Variants in UGT1A6 observed in about 807,000 individuals in gnomAD.
The protein encoded by UGT1A6 is UDP-glucuronosyltransferase 1A6.
UGT1A6 carries 32 observed loss-of-function variants against 44.4 expected under a neutral mutation model. That is an observed-to-expected ratio of 0.72 (90% CI 0.54 to 0.97). The LOEUF (loss-of-function observed/expected upper bound fraction) is 0.97. Among genes scored for constraint, UGT1A6 ranks in the 50% least tolerant of loss-of-function variants. The pLI, the probability that UGT1A6 is intolerant of heterozygous loss-of-function variation, is 0.00. For synonymous variants in UGT1A6, 238 were observed against 248.5 expected, an observed-to-expected ratio of 0.96 and a Z score of 0.40; for missense variants, 685 against 661.9, an observed-to-expected ratio of 1.03 and a Z score of -0.38.
intron 1 of UGT1A6, among the ~76,000 whole-genome samples, chr2:233,746,471 A>G (rs538596800): frequency 6.6e-6 from 1 of 151,696 alleles, no homozygotes; most frequent in Non-Finnish European, 1.5e-5. Context: ...GGGTTCCAGA[A>G]ACACTTTCCA....
At chr2:233,722,497 G>A (rs147743220) in intron 1 of UGT1A6, among the ~76,000 whole-genome samples, 12 of 152,166 alleles carry the variant, frequency 7.9e-5, no homozygotes, top group African/African-American at 2.9e-4. Flanking sequence ...TTCATTTTCC[G>A]TTTCGTTAAT....
intron 1 of UGT1A6, among the ~76,000 whole-genome samples, chr2:233,757,535 A>AATATATATACATATATATAT (rs376887521): frequency 1.4e-3 from 127 of 87,896 alleles, no homozygotes; most frequent in Non-Finnish European, 1.8e-3. Context: ...GCCTGTAAGG[A>AATATATATACATATATATAT]ATATATATAT....
intron 2 of UGT1A6, 81 bp from the exon 3 acceptor site, chr2:233,767,768 G>T: frequency 6.2e-7 from 1 of 1,610,138 alleles, no homozygotes. Context: ...GAGGACCCCT[G>T]TTTTCTAGTT....
rs542225006 is a variant in UGT1A6 at position 233,769,560 on chromosome 2, G to A, written c.1301+1121G>A. 3.2e-5 allele frequency: 51 copies of A among 1,612,868 alleles called. No individual in the cohort carries two copies. The African/African-American group carries it at 6.7e-4, about 21-fold the overall frequency. The stretch of plus-strand genomic sequence containing the variant: ...AAGCAGCAGTCAGGAAGACAGATGT[G>A]AAGAGCTGGAGCATGTTCAGATGAG... On this transcript the variant is annotated intron_variant, in intron 4 of 4. Transcript: ENST00000305139. The surrounding 1 kb of genome is among the most constrained non-coding windows in gnomAD (Gnocchi z 4.4).
chr2:233,743,988 C>A (rs893316227), intron 1 of UGT1A6: 2 of 1,273,412 alleles, frequency 1.6e-6, no homozygotes, highest in Non-Finnish European at 1.0e-6. Flanking sequence ...CAGGCGCAGG[C>A]CCGAGTGCTC....
intron 1 of UGT1A6, chr2:233,718,932 G>A (rs781665803): frequency 3.7e-6 from 6 of 1,614,132 alleles, no homozygotes; most frequent in Non-Finnish European, 4.2e-6. Context: ...GCCCACTGAT[G>A]GCAGCCCCTG....
chr2:233,738,287 A>T, intron 1 of UGT1A6, among the ~76,000 whole-genome samples: 1 of 152,330 alleles, frequency 6.6e-6, no homozygotes, highest in South Asian at 2.1e-4. Flanking sequence ...TAAATTACCC[A>T]GTCTTGGGTA....
At chr2:233,720,871 A>ACT (rs2076900634) in intron 1 of UGT1A6, among the ~76,000 whole-genome samples, 1 of 132,772 alleles carries the variant, frequency 7.5e-6, no homozygotes, top group Non-Finnish European at 1.6e-5. Context: ...GCTCCTGGCA[A>ACT]TTTTTTTTTT....
rs770037031 is a variant in UGT1A6 at position 233,718,834 on chromosome 2, T to C, written c.861+24969T>C. The C allele has an allele frequency of 1.2e-5, 20 of 1,613,482 alleles. No homozygotes were observed. The highest frequency in any genetic ancestry group is 4.0e-5 in the African/African-American group (3 of 74,922). ...GCTTCTGCTGAGATGGCCAGAGGAC[T>C]CCAGGTTCCCCTGCCGCGGCTGGCC... is the stretch of plus-strand genomic sequence containing the variant. On this transcript the variant is annotated intron_variant, in intron 1 of 4. Transcript: ENST00000305139.
intron 1 of UGT1A6, chr2:233,729,114 G>A: frequency 6.2e-7 from 1 of 1,612,948 alleles, no homozygotes. Context: ...AGCTGTCCGT[G>A]TCTTCTGCTG....
intron 1 of UGT1A6, chr2:233,756,153 G>A (rs1213505703): frequency 6.6e-6 from 1 of 152,140 alleles, no homozygotes; most frequent in Non-Finnish European, 1.5e-5. Flanking sequence ...GGGATCCCTA[G>A]GATTTCCTGG....
intron 1 of UGT1A6, among the ~76,000 whole-genome samples, chr2:233,727,690 C>G (rs1223646501): frequency 6.6e-6 from 1 of 152,230 alleles, no homozygotes; most frequent in African/African-American, 2.4e-5. Context: ...GAATCATCCT[C>G]TACTGGACAG....
intron 1 of UGT1A6, among the ~76,000 whole-genome samples, chr2:233,706,049 C>T (rs1298808195): frequency 6.6e-6 from 1 of 152,134 alleles, no homozygotes; most frequent in Admixed American, 6.5e-5. Context: ...GAGCCGAGAT[C>T]ACGCCACTGC....
At position 233,713,711 on chromosome 2, in the gene UGT1A6, G is replaced by C; in HGVS notation, c.861+19846G>C. 1.7e-5 allele frequency: 27 copies of C among 1,613,928 alleles called. No individual in the cohort carries two copies. Among genetic ancestry groups the C allele is most frequent in the Non-Finnish European group, 2.3e-5 (27 of 1,179,878 alleles). ...CAAGCCTTGCCTCTGAGCTTTTTCAGAGAGAGGTGTCAGTGGTGGATCTTG... is the reference window on the plus strand; with the variant it reads ...CAAGCCTTGCCTCTGAGCTTTTTCACAGAGAGGTGTCAGTGGTGGATCTTG... On this transcript the variant is annotated intron_variant, in intron 1 of 4. Coordinates refer to ENST00000305139, the MANE Select transcript of UGT1A6 (RefSeq NM_001072.4).
At chr2:233,716,751 G>A (rs900841882) in intron 1 of UGT1A6, among the ~76,000 whole-genome samples, 2 of 152,184 alleles carry the variant, frequency 1.3e-5, no homozygotes, top group African/African-American at 4.8e-5. Flanking sequence ...GATTGGGAGA[G>A]GGGAGCTAGA....
At chr2:233,747,074 A>T (rs1478196307) in intron 1 of UGT1A6, 1 of 1,039,396 alleles carries the variant, frequency 9.6e-7, no homozygotes, top group Non-Finnish European at 1.3e-6. Flanking sequence ...GGTAATAATT[A>T]ACTAGGAGGA....
chr2:233,708,348 TC>T (rs1318503121), intron 1 of UGT1A6: 2 of 152,232 alleles, frequency 1.3e-5, no homozygotes, highest in African/African-American at 4.8e-5. Flanking sequence ...AATTTTCATT[TC>T]CCTTATTAAT....
chr2:233,724,683 C>T (rs986382878), intron 1 of UGT1A6, among the ~76,000 whole-genome samples: 9 of 144,584 alleles, frequency 6.2e-5, no homozygotes, highest in African/African-American at 1.3e-4. Flanking sequence ...GATGGGATGG[C>T]GGCCGGGTGA....
In UGT1A6 at chr2:233,743,574, A is replaced by T. The variant is rs763461022; in HGVS notation, c.862-23460A>T. ...AAAATATTCTCCAGCGGGTTTCCCA[A>T]GAGGTCAAAGGAGAATGGGTCCTGG... is the stretch of plus-strand genomic sequence containing the variant. On this transcript the variant is annotated intron_variant, in intron 1 of 4. Coordinates refer to ENST00000305139, the MANE Select transcript of UGT1A6 (RefSeq NM_001072.4). 5 of 1,367,184 alleles carry T rather than the reference A, an allele frequency of 3.7e-6. No individual in the cohort carries two copies. The East Asian group carries it at 2.3e-4, about 62-fold the overall frequency. The allele number at this position is 1,367,184 out of a possible 1,614,324, so 84.7% of individuals were successfully genotyped here. A position where few individuals can be genotyped will look rare whatever the true frequency, so the allele number is the denominator to read the frequency against.
Sources: allele counts gnomAD v4.1 joint callset (sites outside exome capture counted in the v4.1 genomes callset), GRCh38; gene constraint gnomAD v4.1.1; non-coding constraint Gnocchi (gnomAD v3.1); transcripts MANE v1.5; gene names NCBI Gene and HGNC (gene_info 2026-07-23, HGNC 2026-07-21).